ZSCAN30: variants seen among roughly 807,000 people sequenced by gnomAD.
ZSCAN30 encodes the protein zinc finger and SCAN domain containing 30, also known as zinc finger and SCAN domain-containing protein 30.
ZSCAN30 carries 37 observed loss-of-function variants against 44.3 expected under a neutral mutation model. That is an observed-to-expected ratio of 0.84 (90% confidence interval 0.64 to 1.10). ZSCAN30 has a LOEUF of 1.10. ZSCAN30 is among the 50% of genes least tolerant of loss of function. The probability of loss-of-function intolerance (pLI) is 0.00; values close to 1 mark genes in which losing one functional copy is unlikely to be tolerated. For missense variants in ZSCAN30, 549 were observed against 582.6 expected (o/e 0.94, Z 0.59); for synonymous variants, 181 against 204.6 (o/e 0.88, Z 0.98).
In ZSCAN30 at chr18:35,253,943, C is replaced by T. The variant is rs1202333643; in HGVS notation, c.992G>A (p.Cys331Tyr). ...ACTGAAGGCTTTGCCACATTCTTTACATGCATAAGGTCTCTCTCCAGTATG... is the reference window on the plus strand; with the variant it reads ...ACTGAAGGCTTTGCCACATTCTTTATATGCATAAGGTCTCTCTCCAGTATG... ...RIHTGERPYACKECGKAFSLS... is the reference protein window; with the variant it reads ...RIHTGERPYAYKECGKAFSLS... Residue 331 changes from cysteine (C) to tyrosine (Y), a missense_variant, in exon 4 of 4, where the codon TGT becomes TAT. Transcript: ENST00000333206. 3 of 1,614,062 alleles carry T rather than the reference C, an allele frequency of 1.9e-6. No individual in the cohort carries two copies. Among genetic ancestry groups the T allele is most frequent in the African/African-American group, 2.7e-5 (2 of 74,916 alleles).
chr18:35,274,844 T>C (rs189717784), intron 1 of ZSCAN30, among the ~76,000 whole-genome samples: 3 of 152,344 alleles, frequency 2.0e-5, no homozygotes, highest in Admixed American at 2.0e-4. Flanking sequence ...TTACTCACTG[T>C]ACCAATAATG....
chr18:35,287,862 T>A (rs181384085), intron 1 of ZSCAN30, among the ~76,000 whole-genome samples: 1 of 148,342 alleles, frequency 6.7e-6, no homozygotes, highest in African/African-American at 2.4e-5. Context: ...AAAGCATATA[T>A]CTTCTTCCTC....
At chr18:35,263,763 T>G in intron 2 of ZSCAN30, 106 bp from the exon 3 acceptor site, 1 of 1,450,376 alleles carries the variant, frequency 6.9e-7, no homozygotes, top group Non-Finnish European at 9.4e-7. Flanking sequence ...TTCAAATGAT[T>G]AGAGAGAAAA....
intron 1 of ZSCAN30, among the ~76,000 whole-genome samples, chr18:35,271,644 G>T (rs1057255526): frequency 6.6e-6 from 1 of 152,248 alleles, no homozygotes; most frequent in African/African-American, 2.4e-5. Flanking sequence ...GTCCTGCACC[G>T]CGTGCCTGCA....
chr18:35,272,294 T>C (rs2044296275), intron 1 of ZSCAN30, among the ~76,000 whole-genome samples: 2 of 151,744 alleles, frequency 1.3e-5, no homozygotes, highest in Non-Finnish European at 2.9e-5. Flanking sequence ...CCTCCCAAAG[T>C]GCTGGGATTA....
intron 1 of ZSCAN30, among the ~76,000 whole-genome samples, chr18:35,273,017 A>G (rs1195772641): frequency 1.3e-5 from 2 of 152,186 alleles, no homozygotes; most frequent in African/African-American, 2.4e-5. Context: ...CCCACAACAC[A>G]TGGGAATTAT....
chr18:35,272,627 G>A (rs998189576), intron 1 of ZSCAN30, among the ~76,000 whole-genome samples: 2 of 152,232 alleles, frequency 1.3e-5, no homozygotes, highest in Non-Finnish European at 2.9e-5. Context: ...TTACAGGCAT[G>A]AGCCTCCGTG....
chr18:35,285,468 A>G (rs1329334703), intron 1 of ZSCAN30, among the ~76,000 whole-genome samples: 1 of 152,236 alleles, frequency 6.6e-6, no homozygotes, highest in East Asian at 1.9e-4. Flanking sequence ...ATGTGCATGG[A>G]ACATTTATGA....
At chr18:35,277,422 A>G (rs1405011408) in intron 1 of ZSCAN30, among the ~76,000 whole-genome samples, 4 of 152,134 alleles carry the variant, frequency 2.6e-5, no homozygotes, top group Non-Finnish European at 5.9e-5. Flanking sequence ...AGGTCCCATA[A>G]TCCCCATGTG....
intron 1 of ZSCAN30, among the ~76,000 whole-genome samples, chr18:35,288,231 A>G (rs1486291234): frequency 6.6e-6 from 1 of 152,234 alleles, no homozygotes; most frequent in African/African-American, 2.4e-5. Context: ...ATTTGTACAG[A>G]TACTTCACCA....
rs1285784934 is a variant in ZSCAN30 at position 35,252,841 on chromosome 18, A to G, written c.*609T>C. ...ATGCCTAGCACATAGCAGGTGCTCA[A>G]TAAACTAGTAGACTTGAATTAACCT... On this transcript the variant is annotated 3_prime_UTR_variant, in exon 4 of 4. Coordinates refer to ENST00000333206, the MANE Select transcript of ZSCAN30 (RefSeq NM_001112734.4). 3 of 152,892 alleles carry G rather than the reference A, an allele frequency of 2.0e-5. No homozygotes were observed. Among genetic ancestry groups the G allele is most frequent in the African/African-American group, 7.2e-5 (3 of 41,450 alleles). The allele number at this position is 152,892 out of a possible 1,614,324, so 9.5% of individuals were successfully genotyped here.
intron 1 of ZSCAN30, chr18:35,267,869 C>T (rs1476835970): frequency 6.6e-6 from 1 of 151,906 alleles, no homozygotes; most frequent in Admixed American, 6.6e-5. Flanking sequence ...AGGAGCTGAC[C>T]ACGCTCACCG....
At chr18:35,279,339 G>A (rs1020914403) in intron 1 of ZSCAN30, among the ~76,000 whole-genome samples, 8 of 152,118 alleles carry the variant, frequency 5.3e-5, no homozygotes, top group Non-Finnish European at 1.0e-4. Context: ...TGCATTCTTT[G>A]CCTTTTGGAT....
chr18:35,280,873 A>C (rs938937239), intron 1 of ZSCAN30: 1 of 152,226 alleles, frequency 6.6e-6, no homozygotes, highest in Non-Finnish European at 1.5e-5. Flanking sequence ...TTTTCCCCAG[A>C]ACTGGAAATT....
chr18:35,279,851 T>C (rs1224765484), intron 1 of ZSCAN30, among the ~76,000 whole-genome samples: 1 of 152,206 alleles, frequency 6.6e-6, no homozygotes, highest in Non-Finnish European at 1.5e-5. Context: ...GGACATAACA[T>C]TCAGCCTACA....
At chr18:35,287,855 G>C (rs1462315181) in intron 1 of ZSCAN30, among the ~76,000 whole-genome samples, 1 of 150,760 alleles carries the variant, frequency 6.6e-6, no homozygotes, top group Non-Finnish European at 1.5e-5. Context: ...TATTTGCAAA[G>C]CATATATCTT....
chr18:35,284,528 G>A (rs1426099267), intron 1 of ZSCAN30: 3 of 155,064 alleles, frequency 1.9e-5, no homozygotes, highest in African/African-American at 7.2e-5. Context: ...GCAGAGGAAT[G>A]GCCTGTCAGC....
rs924933381 is a variant in ZSCAN30 at position 35,254,374 on chromosome 18, C to G, written c.561G>C (p.Arg187Ser). 5 of 1,613,950 alleles carry G rather than the reference C, an allele frequency of 3.1e-6. No homozygotes were observed. Among genetic ancestry groups the G allele is most frequent in the Non-Finnish European group, 4.2e-6 (5 of 1,179,856 alleles). Residue 187 changes from arginine to serine, a missense_variant, in exon 4 of 4, where the codon AGG (arginine) becomes AGC (serine). Transcript: ENST00000333206. ...ESQAFQERDG[R>S]MVAGKVLMAK... ...CCATCAACACTTTGCCAGCCACCAT[C>G]CTGCCATCTAAAAATGTGAATAGAA...
chr18:35,282,870 C>T (rs2044484370), intron 1 of ZSCAN30: 1 of 152,258 alleles, frequency 6.6e-6, no homozygotes. Flanking sequence ...CTTCCATCTT[C>T]CTTTCTGACT....
Sources: allele counts gnomAD v4.1 joint callset (sites outside exome capture counted in the v4.1 genomes callset), GRCh38; gene constraint gnomAD v4.1.1; transcripts MANE v1.5; gene names NCBI Gene and HGNC (gene_info 2026-07-23, HGNC 2026-07-21).